The following BRD10 variants were observed in gnomAD, a reference collection of about 807,000 sequenced individuals.
BRD10 encodes the protein bromodomain containing 10.
chr9:6,004,798 C>T, the BRD10 span, among the ~76,000 whole-genome samples: 1 of 152,162 alleles, frequency 6.6e-6, no homozygotes, highest in Admixed American at 6.5e-5. Flanking sequence ...GCATTTCAAA[C>T]AGTTGTGACC....
chr9:5,916,863 A>G, the BRD10 span, among the ~76,000 whole-genome samples: 1 of 152,192 alleles, frequency 6.6e-6, no homozygotes, highest in African/African-American at 2.4e-5. Context: ...CGCCCTTTAC[A>G]GAACCCTTAA....
chr9:5,949,298 G>A, the BRD10 span, among the ~76,000 whole-genome samples: 2 of 152,082 alleles, frequency 1.3e-5, no homozygotes, highest in African/African-American at 2.4e-5. Context: ...GTCAGAGATT[G>A]CAGTAAGCCA....
At chr9:5,985,326 G>A in the BRD10 span, among the ~76,000 whole-genome samples, 1 of 152,082 alleles carries the variant, frequency 6.6e-6, no homozygotes, top group African/African-American at 2.4e-5. Flanking sequence ...CCATAACCTT[G>A]GGTACGCTAA....
chr9:6,008,390 G>A, the BRD10 span: 2 of 737,134 alleles, frequency 2.7e-6, no homozygotes, highest in Non-Finnish European at 3.3e-6. Context: ...GGGGCAGGGA[G>A]AGAAGGGGGA....
At chr9:5,939,583 CTA>C in the BRD10 span, among the ~76,000 whole-genome samples, 1 of 152,202 alleles carries the variant, frequency 6.6e-6, no homozygotes, top group Non-Finnish European at 1.5e-5. Context: ...AGAATTCTCT[CTA>C]TGATGGGATC....
the BRD10 span, chr9:5,920,804 A>C: frequency 1.9e-6 from 3 of 1,614,022 alleles, no homozygotes; most frequent in Non-Finnish European, 2.5e-6. Context: ...TTTAGGAGAC[A>C]CTACTGGTTG....
chr9:6,007,665 C>T, the BRD10 span: 3 of 1,606,712 alleles, frequency 1.9e-6, no homozygotes, highest in Non-Finnish European at 2.5e-6. Context: ...TTCCGTGGGC[C>T]GGCCCTGAGG....
chr9:5,885,767 A>C, the BRD10 span, among the ~76,000 whole-genome samples: 1 of 152,336 alleles, frequency 6.6e-6, no homozygotes, highest in East Asian at 1.9e-4. Flanking sequence ...AAGGTTAATT[A>C]ACTTGCTCAA....
At chr9:5,893,150 T>C in the BRD10 span, among the ~76,000 whole-genome samples, 37 of 152,232 alleles carry the variant, frequency 2.4e-4, no homozygotes, top group African/African-American at 8.9e-4. Flanking sequence ...GTTTTTATCT[T>C]TGAAAAAACT....
chr9:5,945,629 C>CT, the BRD10 span, among the ~76,000 whole-genome samples: 1 of 151,996 alleles, frequency 6.6e-6, no homozygotes, highest in Non-Finnish European at 1.5e-5. Context: ...TTATTAATTA[C>CT]TAACAACTAA....
chr9:5,900,219 TCAGA>T, the BRD10 span, among the ~76,000 whole-genome samples: 1 of 152,344 alleles, frequency 6.6e-6, no homozygotes, highest in East Asian at 1.9e-4. Context: ...TGTCATGTGC[TCAGA>T]CACTGTGAAC....
chr9:5,905,835 C>T, the BRD10 span, among the ~76,000 whole-genome samples: 1 of 152,228 alleles, frequency 6.6e-6, no homozygotes, highest in Non-Finnish European at 1.5e-5. Flanking sequence ...CTCAGGCACA[C>T]TTTCTCAGGA....
chr9:5,935,105 A>T, the BRD10 span, among the ~76,000 whole-genome samples: 18 of 152,328 alleles, frequency 1.2e-4, no homozygotes, highest in African/African-American at 3.8e-4. Context: ...ATACATATAA[A>T]TATGAAAAAA....
the BRD10 span, among the ~76,000 whole-genome samples, chr9:5,926,971 T>G: frequency 2.0e-5 from 3 of 152,160 alleles, no homozygotes; most frequent in African/African-American, 7.2e-5. Context: ...TCAGTTTATG[T>G]AGGTTTTCAA....
At chr9:5,994,556 A>C in the BRD10 span, among the ~76,000 whole-genome samples, 1 of 152,174 alleles carries the variant, frequency 6.6e-6, no homozygotes. Context: ...TCAGACCTCC[A>C]GTCCCTTGTC....
the BRD10 span, among the ~76,000 whole-genome samples, chr9:5,978,225 C>T: frequency 6.6e-6 from 1 of 151,848 alleles, no homozygotes; most frequent in East Asian, 1.9e-4. Flanking sequence ...TTATTTTAGC[C>T]ATGCACGATT....
the BRD10 span, among the ~76,000 whole-genome samples, chr9:5,912,995 C>T: frequency 1.3e-5 from 2 of 152,148 alleles, no homozygotes; most frequent in African/African-American, 4.8e-5. Context: ...CCTTCCTGTC[C>T]AGCCCTCAGT....
At chr9:5,879,439 C>T in the BRD10 span, among the ~76,000 whole-genome samples, 2 of 152,022 alleles carry the variant, frequency 1.3e-5, no homozygotes, top group South Asian at 4.2e-4. Flanking sequence ...GAGTTGCAGC[C>T]CCCACACAGC....
the BRD10 span, chr9:5,907,026 T>C: frequency 2.8e-6 from 4 of 1,408,178 alleles, no homozygotes; most frequent in Non-Finnish European, 2.9e-6. Context: ...ATAAGGGTAT[T>C]TTCATGAATG....
Sources: gnomAD v4.1 joint callset for allele counts (sites outside exome capture counted in the v4.1 genomes callset) on GRCh38, gnomAD v4.1.1 for gene constraint, MANE v1.5 for transcripts, NCBI Gene and HGNC (gene_info 2026-07-23, HGNC 2026-07-21) for gene names.